Variants in DSCAML1 observed in about 807,000 individuals in gnomAD.
The protein encoded by DSCAML1 is DS cell adhesion molecule like 1.
A neutral mutation model predicts 200.5 loss-of-function variants in DSCAML1; 38 were observed. That is an observed-to-expected ratio of 0.19 (90% CI 0.15 to 0.25). The LOEUF (loss-of-function observed/expected upper bound fraction) is 0.25, where lower values mean the gene tolerates loss of function less well. DSCAML1 is among the 10% of genes least tolerant of loss of function. DSCAML1 has a pLI of 1.00. For missense variants in DSCAML1, 2,223 were observed against 2,858.8 expected, an observed-to-expected ratio of 0.78 and a Z score of 5.07; for synonymous variants, 1,215 against 1,165.0, an observed-to-expected ratio of 1.04 and a Z score of -0.87.
At chr11:117,598,099 C>T (rs114432131) in intron 3 of DSCAML1, among the ~76,000 whole-genome samples, 1 of 152,096 alleles carries the variant, frequency 6.6e-6, no homozygotes, top group East Asian at 1.9e-4. Flanking sequence ...TCACAGCTTA[C>T]AAAAGAAAGC....
In DSCAML1 at chr11:117,578,740, T is replaced by C. The variant is rs1374344047; in HGVS notation, c.512-46218A>G. Among the ~76,000 whole-genome samples the C allele has an allele frequency of 2.0e-5, 3 of 152,144 alleles. No homozygotes were observed. The East Asian group carries it at 5.8e-4, about 29-fold the overall frequency. On this transcript the variant is annotated intron_variant, in intron 3 of 32. Transcript: ENST00000651296. ...CCAAGGTCCTAAGCTCCCTCTACTA[T>C]CTAGACTCTCTCCTATGGCTGGAAG...
At chr11:117,718,675 C>T (rs566668474) in intron 3 of DSCAML1, among the ~76,000 whole-genome samples, 1 of 81,898 alleles carries the variant, frequency 1.2e-5, no homozygotes, top group Non-Finnish European at 3.0e-5. Context: ...AAAACCCCCC[C>T]CCCCCCCCAT....
chr11:117,511,904 C>T (rs1417373527), intron 8 of DSCAML1, among the ~76,000 whole-genome samples: 2 of 152,280 alleles, frequency 1.3e-5, no homozygotes, highest in Non-Finnish European at 2.9e-5. Flanking sequence ...CCAGGGTGCA[C>T]ACGCACGAGT....
chr11:117,476,509 T>G (rs1426396986), intron 14 of DSCAML1, among the ~76,000 whole-genome samples: 1 of 152,178 alleles, frequency 6.6e-6, no homozygotes, highest in Non-Finnish European at 1.5e-5. Flanking sequence ...CACCATGCCA[T>G]GCCAGGCCAG....
chr11:117,657,727 T>C (rs1444638352), intron 3 of DSCAML1, among the ~76,000 whole-genome samples: 1 of 152,164 alleles, frequency 6.6e-6, no homozygotes, highest in Non-Finnish European at 1.5e-5. Context: ...GATGCTGGAT[T>C]ACAGAGGGAG....
intron 7 of DSCAML1, among the ~76,000 whole-genome samples, chr11:117,517,027 G>A (rs1016736197): frequency 2.0e-5 from 3 of 152,200 alleles, no homozygotes; most frequent in Non-Finnish European, 4.4e-5. Flanking sequence ...CCCCTCGTGG[G>A]ACAGGGATAG....
chr11:117,638,722 G>T (rs534427515), intron 3 of DSCAML1, among the ~76,000 whole-genome samples: 101 of 152,194 alleles, frequency 6.6e-4, no homozygotes, highest in African/African-American at 2.3e-3. Flanking sequence ...CCCTTTTCAT[G>T]GCCAAATAAT....
chr11:117,745,240 G>T (rs193226971), intron 3 of DSCAML1, among the ~76,000 whole-genome samples: 7 of 151,564 alleles, frequency 4.6e-5, no homozygotes, highest in Non-Finnish European at 1.0e-4. Flanking sequence ...GGGTGGCTGC[G>T]TGAGCATGTT....
chr11:117,648,435 A>G (rs1382861562), intron 3 of DSCAML1, among the ~76,000 whole-genome samples: 1 of 152,246 alleles, frequency 6.6e-6, no homozygotes, highest in Non-Finnish European at 1.5e-5. Flanking sequence ...TGGATCACGC[A>G]GCAGCCAAGT....
At chr11:117,459,793 T>A (rs1420272612) in intron 18 of DSCAML1, among the ~76,000 whole-genome samples, 1 of 151,996 alleles carries the variant, frequency 6.6e-6, no homozygotes, top group African/African-American at 2.4e-5. Flanking sequence ...TAGACATGAG[T>A]TCCTGGAGAC....
intron 3 of DSCAML1, among the ~76,000 whole-genome samples, chr11:117,620,617 C>T (rs1490828922): frequency 2.0e-5 from 3 of 152,214 alleles, no homozygotes; most frequent in East Asian, 3.8e-4. Context: ...CCTCTCCTCC[C>T]GCATGTCACA....
intron 8 of DSCAML1, among the ~76,000 whole-genome samples, chr11:117,506,080 A>T (rs1036629782): frequency 6.6e-6 from 1 of 151,960 alleles, no homozygotes; most frequent in Non-Finnish European, 1.5e-5. Flanking sequence ...CCACCTTCTC[A>T]TCCCAGTGAT....
chr11:117,782,723 C>T (rs1344079381), intron 1 of DSCAML1, among the ~76,000 whole-genome samples: 2 of 152,206 alleles, frequency 1.3e-5, no homozygotes, highest in Non-Finnish European at 2.9e-5. Flanking sequence ...TCCTTACTGA[C>T]ATCCATGCAG....
intron 31 of DSCAML1, 80 bp from the exon 32 acceptor site, chr11:117,431,113 A>G (rs1592560084): frequency 1.5e-6 from 2 of 1,369,304 alleles, no homozygotes; most frequent in East Asian, 2.3e-5. Flanking sequence ...CCTGCCCGTA[A>G]CCCCAGCAGC....
Position 117,450,682 on chromosome 11 carries a change from C to T in DSCAML1, c.3575G>A (p.Gly1192Asp). 1 of 1,613,734 alleles carries T rather than the reference C, an allele frequency of 6.2e-7. No individual in the cohort carries two copies. Among genetic ancestry groups the T allele is most frequent in the South Asian group, 1.1e-5 (1 of 90,982 alleles). ...GACAGCTTTGATGCCAGCAGGGGGACCTGGAACTGAGCAGGGAGAAGGCCT... is the reference window on the plus strand; with the variant it reads ...GACAGCTTTGATGCCAGCAGGGGGATCTGGAACTGAGCAGGGAGAAGGCCT... ...LYIQTKEDVPGPPAGIKAVPS... is the reference protein window; with the variant it reads ...LYIQTKEDVPDPPAGIKAVPS... Residue 1192 changes from glycine to aspartate, a missense_variant, in exon 20 of 33, where the codon GGT becomes GAT. Gly to Asp is a moderately conservative substitution (Grantham distance 94). Coordinates refer to ENST00000651296, the MANE Select transcript of DSCAML1 (RefSeq NM_020693.4).
chr11:117,710,597 T>C (rs944126736), intron 3 of DSCAML1, among the ~76,000 whole-genome samples: 1 of 152,240 alleles, frequency 6.6e-6, no homozygotes, highest in Non-Finnish European at 1.5e-5. Flanking sequence ...TGTTTCTGTG[T>C]GACTTAACCG....
chr11:117,808,549 C>T (rs779733990), intron 1 of DSCAML1, among the ~76,000 whole-genome samples: 6 of 152,194 alleles, frequency 3.9e-5, no homozygotes, highest in South Asian at 2.1e-4. Flanking sequence ...CTACAGAATC[C>T]GGGATCTGTA....
intron 3 of DSCAML1, among the ~76,000 whole-genome samples, chr11:117,593,997 G>A (rs4938414): frequency 0.28 from 42,151 of 152,070 alleles, 6,263 homozygotes; most frequent in Middle Eastern, 0.33. Flanking sequence ...ACAGGTGTGA[G>A]CCACCACACT....
At chr11:117,743,553 G>C (rs2054461664) in intron 3 of DSCAML1, among the ~76,000 whole-genome samples, 2 of 152,040 alleles carry the variant, frequency 1.3e-5, no homozygotes, top group African/African-American at 2.4e-5. Flanking sequence ...GACACCTTGG[G>C]GCCACCTCAG....
Sources: gnomAD v4.1 joint callset for allele counts (sites outside exome capture counted in the v4.1 genomes callset) on GRCh38, gnomAD v4.1.1 for gene constraint, MANE v1.5 for transcripts, NCBI Gene and HGNC (gene_info 2026-07-23, HGNC 2026-07-21) for gene names.